DYNC2I2: variants seen among roughly 807,000 people sequenced by gnomAD.
The protein encoded by DYNC2I2 is dynein 2 intermediate chain 2, also known as cytoplasmic dynein 2 intermediate chain 2.
DYNC2I2 carries 39 observed loss-of-function variants against 52.0 expected under a neutral mutation model. The ratio of observed to expected loss-of-function variants is 0.75; its 90% CI spans 0.58 to 0.98. The LOEUF is 0.98. DYNC2I2 is among the 50% of genes least tolerant of loss of function. The pLI is 0.00. For synonymous variants in DYNC2I2, 359 were observed against 321.1 expected (o/e 1.12, Z -1.26); for missense variants, 743 against 728.4 (o/e 1.02, Z -0.23).
the DYNC2I2 span, among the ~76,000 whole-genome samples, chr9:128,680,856 A>G: frequency 2.0e-5 from 3 of 149,784 alleles, no homozygotes; most frequent in African/African-American, 7.4e-5. Flanking sequence ...TGTATTTTTT[A>G]GTACAGACTG....
the DYNC2I2 span, among the ~76,000 whole-genome samples, chr9:128,681,078 A>G: frequency 6.6e-6 from 1 of 151,956 alleles, no homozygotes; most frequent in Admixed American, 6.6e-5. Context: ...CATCATTCCG[A>G]GTACCAGTCA....
upstream of DYNC2I2, among the ~76,000 whole-genome samples, chr9:128,658,873 CACT>C (rs1188966872): frequency 6.6e-6 from 1 of 151,516 alleles, no homozygotes; most frequent in East Asian, 1.9e-4. Context: ...TACAGGCATG[CACT>C]ACCATCCCCA....
At chr9:128,641,852 G>A (rs1170608806) in intron 1 of DYNC2I2, among the ~76,000 whole-genome samples, 1 of 151,986 alleles carries the variant, frequency 6.6e-6, no homozygotes, top group Non-Finnish European at 1.5e-5. Flanking sequence ...AGGCCACTCA[G>A]TTCTCTCTGC....
At chr9:128,657,620 T>C (rs547369738), upstream of DYNC2I2, among the ~76,000 whole-genome samples, 43 of 151,466 alleles carry the variant, frequency 2.8e-4, no homozygotes. Flanking sequence ...CTGAGCAACA[T>C]AGTGAGAGCC....
chr9:128,681,388 G>C, the DYNC2I2 span, among the ~76,000 whole-genome samples: 6,714 of 152,224 alleles, frequency 0.044, 235 homozygotes, highest in East Asian at 0.16. Flanking sequence ...ACCTCGTCTG[G>C]CCCATTTATT....
At position 128,654,112 on chromosome 9, in the gene DYNC2I2, T is replaced by G. The variant is rs182237324; in HGVS notation, c.186+2429A>C. 2.6e-5 allele frequency among the ~76,000 whole-genome samples: 4 copies of G among 152,266 alleles called. No homozygotes were observed. In the East Asian group the frequency reaches 7.7e-4, roughly 29 times the overall value. On this transcript the variant is annotated intron_variant, in intron 1 of 8. Coordinates refer to ENST00000372715, the MANE Select transcript of DYNC2I2 (RefSeq NM_052844.4). ...ATCATCAATTGACCTGCGATAAGGA[T>G]GGACAGTTAACTAAACCACCTAGTG...
intron 2 of DYNC2I2, 62 bp from the exon 3 acceptor site, chr9:128,637,089 C>G: frequency 8.2e-7 from 1 of 1,216,044 alleles, no homozygotes; most frequent in Non-Finnish European, 1.2e-6. Flanking sequence ...GACTGCCTAA[C>G]CAAACCCCAC....
chr9:128,637,052 G>T (rs1860429144), intron 2 of DYNC2I2, 25 bp from the exon 3 acceptor site: 2 of 1,583,028 alleles, frequency 1.3e-6, no homozygotes, highest in Non-Finnish European at 1.7e-6. Context: ...CCAACCCTGA[G>T]TCCAAAGCCA....
In DYNC2I2 at chr9:128,639,541, CAG is replaced by C. The variant is rs140084541; in HGVS notation, c.435+1148_435+1149del. Among the ~76,000 whole-genome samples the C allele has an allele frequency of 5.5e-3, 845 of 152,258 alleles. 2 individuals are homozygous for C. The highest frequency in any genetic ancestry group is 8.9e-3 in the Admixed American group (136 of 15,278). ...ATGACCCAGAGCATGGCAGTGAAAC[CAG>C]AGAGACTGGGGTTCAAGTTCTGGAG... On this transcript the variant is annotated intron_variant, in intron 2 of 8. Transcript: ENST00000372715.
Position 128,636,917 on chromosome 9 carries a change from C to A in DYNC2I2, c.545+1G>T, listed in dbSNP as rs1168829227. 1.2e-6 allele frequency: 2 copies of A among 1,610,384 alleles called. No individual in the cohort carries two copies. The highest frequency in any genetic ancestry group is 1.7e-6 in the Non-Finnish European group (2 of 1,178,804). ...CCCTCACCTGCCCCGCTGCCACTCA[C>A]CGGCCGTAGGCACAGGCCACCACAG... On this transcript the variant is annotated splice_donor_variant, in intron 3 of 8. Transcript: ENST00000372715. LOFTEE classifies it high-confidence loss of function.
chr9:128,674,248 T>A, the DYNC2I2 span, among the ~76,000 whole-genome samples: 5 of 151,238 alleles, frequency 3.3e-5, no homozygotes, highest in Non-Finnish European at 7.4e-5. Context: ...CCATCTACTG[T>A]CTCAGCCTCC....
At chr9:128,666,484 G>A in the DYNC2I2 span, among the ~76,000 whole-genome samples, 1 of 151,896 alleles carries the variant, frequency 6.6e-6, no homozygotes, top group Non-Finnish European at 1.5e-5. Flanking sequence ...AGACAATGCC[G>A]GGCATGGTGG....
chr9:128,640,609 CTG>C (rs1860494692), intron 2 of DYNC2I2, 80 bp downstream of exon 2: 1 of 1,548,914 alleles, frequency 6.5e-7, no homozygotes, highest in Non-Finnish European at 8.7e-7. Flanking sequence ...ACTGGCACGG[CTG>C]TTATTTGTGG....
intron 2 of DYNC2I2, among the ~76,000 whole-genome samples, chr9:128,639,407 A>T (rs554534988): frequency 6.1e-4 from 92 of 150,532 alleles, no homozygotes; most frequent in African/African-American, 2.2e-3. Context: ...CAAAAAAATA[A>T]AAAAAAAAGA....
At chr9:128,668,832 A>G in the DYNC2I2 span, among the ~76,000 whole-genome samples, 3 of 151,790 alleles carry the variant, frequency 2.0e-5, no homozygotes, top group Non-Finnish European at 2.9e-5. Context: ...AGGAAAAAAA[A>G]AAAAAAGAAA....
intron 4 of DYNC2I2, 200 bp from the exon 5 acceptor site, chr9:128,635,967 C>A: frequency 3.0e-6 from 2 of 671,144 alleles, no homozygotes; most frequent in Non-Finnish European, 2.6e-6. Flanking sequence ...CCGGACACCC[C>A]TGCCCTGCAC....
Position 128,634,891 on chromosome 9 carries a change from T to C in DYNC2I2, c.1012A>G (p.Thr338Ala). ...HPRGETEVGA[T>A]AVAFSSFDPR... ...TCAAAGCTGGAGAAGGCCACTGCCG[T>C]GGCGCCCACCTCGGTCTCCCCGCGG... is the stretch of plus-strand genomic sequence containing the variant. The change falls in exon 7 of 9, where the codon ACG (threonine) becomes GCG (alanine). Residue 338 changes from threonine (T) to alanine (A), a missense_variant. By Grantham distance (58) the Thr-to-Ala change is moderately conservative. Transcript: ENST00000372715. The C allele has an allele frequency of 6.2e-7, 1 of 1,613,090 alleles. No individual in the cohort carries two copies. The highest frequency in any genetic ancestry group is 8.5e-7 in the Non-Finnish European group (1 of 1,179,912).
chr9:128,636,413 G>A lies in DYNC2I2; in HGVS notation c.571C>T (p.Leu191Phe). The A allele has an allele frequency of 6.2e-7, 1 of 1,608,568 alleles. No individual in the cohort carries two copies. The highest frequency in any genetic ancestry group is 8.5e-7 in the Non-Finnish European group (1 of 1,178,816). Residue 191 changes from leucine to phenylalanine, a missense_variant, in exon 4 of 9, where the codon CTT (leucine) becomes TTT (phenylalanine). Transcript: ENST00000372715. Reference protein sequence around the residue: ...GRLDHGDWSTLKSFVCAWNLD... With the variant: ...GRLDHGDWSTFKSFVCAWNLD... ...TTCCAGGCACACACGAAGGACTTAAGCGTGCTCCAGTCCCCATGGTCCAGC... is the reference window on the plus strand; with the variant it reads ...TTCCAGGCACACACGAAGGACTTAAACGTGCTCCAGTCCCCATGGTCCAGC...
chr9:128,645,510 G>A (rs1345378873), intron 1 of DYNC2I2, among the ~76,000 whole-genome samples: 1 of 147,034 alleles, frequency 6.8e-6, no homozygotes, highest in East Asian at 2.0e-4. Flanking sequence ...CCAACTACTT[G>A]GGAGGCTGAG....
Sources: allele counts gnomAD v4.1 joint callset (sites outside exome capture counted in the v4.1 genomes callset), GRCh38; gene constraint gnomAD v4.1.1; transcripts MANE v1.5; gene names NCBI Gene and HGNC (gene_info 2026-07-23, HGNC 2026-07-21).